Variants in ITGA9 observed in about 807,000 individuals in gnomAD.
ITGA9 encodes the protein integrin subunit alpha 9, also known as integrin alpha-9.
ITGA9 carries 56 observed loss-of-function variants against 127.8 expected under a neutral mutation model. The ratio of observed to expected loss-of-function variants is 0.44; its 90% confidence interval spans 0.35 to 0.55. ITGA9 has a LOEUF of 0.55. Among genes scored for constraint, ITGA9 ranks in the 20% least tolerant of loss-of-function variants. ITGA9 has a pLI of 0.00. For synonymous variants in ITGA9, 508 were observed against 514.5 expected (o/e 0.99, Z 0.17); for missense variants, 1,196 against 1,347.1 (o/e 0.89, Z 1.76).
rs1190952271 is a variant in ITGA9 at position 37,741,800 on chromosome 3, G to C, written c.2305G>C (p.Val769Leu). Reference sequence around the variant, plus strand: ...GCTGATGGTGCCACTGATGCACGAGGTGGACACGTCCATCACCGGGTGAGT... The same window carrying C: ...GCTGATGGTGCCACTGATGCACGAGCTGGACACGTCCATCACCGGGTGAGT... ...LVLMVPLMHE[V>L]DTSITGIMSP... The change falls in exon 21 of 28, where the codon GTG becomes CTG. Residue 769 changes from valine (V) to leucine (L), a missense_variant. By Grantham distance (32) the Val-to-Leu change is conservative. Coordinates refer to ENST00000264741, the MANE Select transcript of ITGA9 (RefSeq NM_002207.3). The C allele has an allele frequency of 1.2e-6, 2 of 1,613,582 alleles. No individual in the cohort carries two copies. The highest frequency in any genetic ancestry group is 1.7e-6 in the Non-Finnish European group (2 of 1,179,776).
chr3:37,816,702 A>G (rs1243833254), intron 27 of ITGA9, among the ~76,000 whole-genome samples: 4 of 152,246 alleles, frequency 2.6e-5, no homozygotes, highest in Non-Finnish European at 4.4e-5. Flanking sequence ...AGAGAAAAGT[A>G]TATGTGTGGG....
In ITGA9 at chr3:37,736,914, G is replaced by C. The variant is rs1349488126; in HGVS notation, c.2165G>C (p.Ser722Thr). The C allele has an allele frequency of 6.2e-7, 1 of 1,611,942 alleles. No homozygotes were observed. Residue 722 changes from serine (S) to threonine (T), a missense_variant, in exon 20 of 28, where the codon AGC (serine) becomes ACC (threonine). Physicochemically the swap from Ser to Thr is moderately conservative, Grantham distance 58 (BLOSUM62 1). Coordinates refer to ENST00000264741, the MANE Select transcript of ITGA9 (RefSeq NM_002207.3). The part of the protein sequence containing the change: ...FMRSKSKYEF[S>T]VIFDTSHLSG... ...TTCCTTTTTCACTAGTATGAATTCA[G>C]CGTGATCTTTGATACAAGCCACCTG...
rs150849379 is a variant in ITGA9, at chr3:37,476,396, G to A, written c.420+2936G>A. Among the ~76,000 whole-genome samples, 188 of 152,048 alleles carry A rather than the reference G, an allele frequency of 1.2e-3. 1 individual carries two copies. The highest frequency in any genetic ancestry group is 4.4e-3 in the African/African-American group (183 of 41,472). On this transcript the variant is annotated intron_variant, in intron 3 of 27. Coordinates refer to ENST00000264741, the MANE Select transcript of ITGA9 (RefSeq NM_002207.3). The stretch of plus-strand genomic sequence containing the variant: ...AAATAGTGGCCCTCCTAATGGGTGT[G>A]AGATAATATTTTATTGTGATTTTGG...
At chr3:37,778,522 G>A (rs567405036) in intron 24 of ITGA9, among the ~76,000 whole-genome samples, 162 of 152,082 alleles carry the variant, frequency 1.1e-3, no homozygotes, top group Non-Finnish European at 1.9e-3. Context: ...GGAGGCTGAG[G>A]CAGGAGAATC....
At chr3:37,777,584 T>C (rs541542559) in intron 24 of ITGA9, 67 bp downstream of exon 24, 2 of 1,544,390 alleles carry the variant, frequency 1.3e-6, no homozygotes, top group East Asian at 2.3e-5. Context: ...AGTTTTCTAT[T>C]TGATATTTAT....
chr3:37,616,179 G>C (rs1700072712), intron 15 of ITGA9, among the ~76,000 whole-genome samples: 1 of 152,250 alleles, frequency 6.6e-6, no homozygotes, highest in African/African-American at 2.4e-5. Context: ...TGTTCTCATT[G>C]GTTTCAAAGA....
Position 37,517,490 on chromosome 3 carries a change from A to G in ITGA9, c.1036-14A>G. On this transcript the variant is annotated splice_polypyrimidine_tract_variant and intron_variant, in intron 9 of 27. Coordinates refer to ENST00000264741, the MANE Select transcript of ITGA9 (RefSeq NM_002207.3). ...TGTTTTGTTTTCCATTTTCTCCTCC[A>G]TCCTGTTTCCCAGGGAGCCCTCGAG... The G allele has an allele frequency of 6.4e-7, 1 of 1,555,590 alleles. No homozygotes were observed. The highest frequency in any genetic ancestry group is 1.2e-5 in the South Asian group (1 of 84,960).
chr3:37,633,678 G>A (rs1700249771), intron 16 of ITGA9, among the ~76,000 whole-genome samples: 1 of 152,158 alleles, frequency 6.6e-6, no homozygotes, highest in Non-Finnish European at 1.5e-5. Context: ...CTCTTCTGAT[G>A]AGTCTCAAGA....
chr3:37,627,287 TG>T (rs943237243), intron 15 of ITGA9, among the ~76,000 whole-genome samples: 8 of 152,318 alleles, frequency 5.3e-5, no homozygotes, highest in African/African-American at 1.9e-4. Context: ...CCCCTTTGCC[TG>T]GTCTCCCATG....
At chr3:37,744,881 G>C (rs1696482360) in intron 22 of ITGA9, among the ~76,000 whole-genome samples, 1 of 152,242 alleles carries the variant, frequency 6.6e-6, no homozygotes, top group Non-Finnish European at 1.5e-5. Flanking sequence ...GAAGGTCCCA[G>C]AGCTGGGAGA....
chr3:37,808,656 T>C (rs191805419), intron 27 of ITGA9: 18 of 152,314 alleles, frequency 1.2e-4, no homozygotes, highest in African/African-American at 4.3e-4. Context: ...GGCGGGGTGA[T>C]TCTTCCGTCC....
intron 15 of ITGA9, among the ~76,000 whole-genome samples, chr3:37,591,384 G>A (rs1486522598): frequency 6.6e-6 from 1 of 152,130 alleles, no homozygotes; most frequent in Non-Finnish European, 1.5e-5. Flanking sequence ...TTGGCATCTG[G>A]GGACCCTAGT....
chr3:37,615,763 T>C (rs994170820), intron 15 of ITGA9, among the ~76,000 whole-genome samples: 11 of 152,242 alleles, frequency 7.2e-5, no homozygotes, highest in Non-Finnish European at 1.5e-4. Flanking sequence ...TAGAGGTGTT[T>C]ATAGTATTCT....
At chr3:37,531,359 G>A (rs969397517) in intron 13 of ITGA9, among the ~76,000 whole-genome samples, 2 of 152,170 alleles carry the variant, frequency 1.3e-5, no homozygotes, top group African/African-American at 4.8e-5. Context: ...ACAATACTTG[G>A]AGTTGAAACA....
chr3:37,746,664 C>G (rs1696504549), intron 22 of ITGA9, among the ~76,000 whole-genome samples: 1 of 147,044 alleles, frequency 6.8e-6, no homozygotes, highest in Non-Finnish European at 1.5e-5. Context: ...CTTTTTAATT[C>G]TGTGCACTCA....
chr3:37,707,636 G>C (rs956624868), intron 18 of ITGA9, among the ~76,000 whole-genome samples: 2 of 152,166 alleles, frequency 1.3e-5, no homozygotes, highest in Admixed American at 1.3e-4. Flanking sequence ...CTTCTCTCCA[G>C]GCCCTGGCTT....
intron 27 of ITGA9, among the ~76,000 whole-genome samples, chr3:37,813,340 C>T (rs369026065): frequency 6.6e-6 from 1 of 152,278 alleles, no homozygotes; most frequent in South Asian, 2.1e-4. Context: ...CTTGTTAGAT[C>T]ATCAAATTCA....
At chr3:37,726,161 TC>T (rs1696191262) in intron 18 of ITGA9, among the ~76,000 whole-genome samples, 1 of 152,222 alleles carries the variant, frequency 6.6e-6, no homozygotes, top group African/African-American at 2.4e-5. Context: ...ATGAAGTGCT[TC>T]CAAAATTTAT....
intron 26 of ITGA9, among the ~76,000 whole-genome samples, chr3:37,787,642 C>A (rs1697057640): frequency 1.3e-5 from 2 of 151,788 alleles, no homozygotes; most frequent in Non-Finnish European, 2.9e-5. Flanking sequence ...AAAAAAAAAT[C>A]TTTTCTGAGT....
Sources: gnomAD v4.1 joint callset for allele counts (sites outside exome capture counted in the v4.1 genomes callset) on GRCh38, gnomAD v4.1.1 for gene constraint, MANE v1.5 for transcripts, NCBI Gene and HGNC (gene_info 2026-07-23, HGNC 2026-07-21) for gene names.